Variants in CEP89 observed in about 807,000 individuals in gnomAD.
CEP89 encodes centrosomal protein 89.
CEP89 carries 95 observed loss-of-function variants against 97.6 expected under a neutral mutation model. The observed-to-expected ratio is 0.97, with a 90% CI of 0.82 to 1.15. The LOEUF (loss-of-function observed/expected upper bound fraction) is 1.15, where lower values mean the gene tolerates loss of function less well. Among genes scored for constraint, CEP89 ranks in the 50% most tolerant of loss-of-function variants. The probability of loss-of-function intolerance (pLI) is 0.00; values close to 1 mark genes in which losing one functional copy is unlikely to be tolerated. For missense variants in CEP89, 869 were observed against 947.7 expected, an observed-to-expected ratio of 0.92 and a Z score of 1.09; for synonymous variants, 354 against 349.1, an observed-to-expected ratio of 1.01 and a Z score of -0.16.
intron 14 of CEP89, among the ~76,000 whole-genome samples, chr19:32,907,631 T>C (rs559132046): frequency 6.6e-6 from 1 of 152,322 alleles, no homozygotes; most frequent in South Asian, 2.1e-4. Context: ...TTTGTATTTT[T>C]AGTAGAGATG....
intron 16 of CEP89, among the ~76,000 whole-genome samples, chr19:32,888,469 G>C (rs2145873135): frequency 6.6e-6 from 1 of 152,238 alleles, no homozygotes; most frequent in Middle Eastern, 3.4e-3. Flanking sequence ...GGAAAGCTAA[G>C]TCACAGAGAA....
At chr19:32,900,405 G>A (rs1036304115) in intron 15 of CEP89, among the ~76,000 whole-genome samples, 4 of 151,642 alleles carry the variant, frequency 2.6e-5, no homozygotes, top group East Asian at 1.9e-4. Context: ...GCCACCACAC[G>A]CAGCTAATTT....
In CEP89 at chr19:32,915,476, T is replaced by C. The variant is rs761104543; in HGVS notation, c.1426A>G (p.Thr476Ala). ...TKQLMLLEAK[T>A]HGQEKELAEN... ...GCCAGCTCCTTTTCCTGGCCGTGGGTTTTTGCCTCCAGGAGCATTAGTTGT... is the reference window on the plus strand; with the variant it reads ...GCCAGCTCCTTTTCCTGGCCGTGGGCTTTTGCCTCCAGGAGCATTAGTTGT... Residue 476 changes from threonine (T) to alanine (A), a missense_variant, in exon 14 of 19, where the codon ACC becomes GCC. Coordinates refer to ENST00000305768, the MANE Select transcript of CEP89 (RefSeq NM_032816.5). 6 of 1,611,766 alleles carry C rather than the reference T, an allele frequency of 3.7e-6. No individual in the cohort carries two copies. The highest frequency in any genetic ancestry group is 5.1e-6 in the Non-Finnish European group (6 of 1,179,492).
At chr19:32,937,240 G>A in intron 7 of CEP89, 2 of 272,192 alleles carry the variant, frequency 7.3e-6, no homozygotes, top group East Asian at 1.2e-4. Flanking sequence ...TCAGAGCAGA[G>A]CCCATAACTG....
chr19:32,907,994 A>G (rs951553234), intron 14 of CEP89, among the ~76,000 whole-genome samples: 2 of 152,392 alleles, frequency 1.3e-5, no homozygotes, highest in Middle Eastern at 3.4e-3. Context: ...TGTTCAGTAC[A>G]GTAACATGCT....
At chr19:32,952,579 C>G (rs1377193479) in intron 4 of CEP89, among the ~76,000 whole-genome samples, 1 of 151,732 alleles carries the variant, frequency 6.6e-6, no homozygotes, top group Non-Finnish European at 1.5e-5. Flanking sequence ...TGTACAGACA[C>G]TATGAATAAC....
chr19:32,911,689 G>A (rs1022041171), intron 14 of CEP89, among the ~76,000 whole-genome samples: 1 of 152,042 alleles, frequency 6.6e-6, no homozygotes, highest in African/African-American at 2.4e-5. Context: ...GGCTTAGTCA[G>A]CATGTAATAG....
At chr19:32,915,226 G>T in intron 14 of CEP89, 111 bp downstream of exon 14, 3 of 957,518 alleles carry the variant, frequency 3.1e-6, no homozygotes, top group Non-Finnish European at 4.5e-6. Flanking sequence ...TGAGAGGCTG[G>T]GATGGGCAGA....
chr19:32,913,311 TTGTTGTTGTTGTTGTTG>T (rs1406601429), intron 14 of CEP89, among the ~76,000 whole-genome samples: 1 of 26,660 alleles, frequency 3.8e-5, no homozygotes, highest in Non-Finnish European at 6.8e-5. Context: ...ATATATTTTT[TTGTTGTTGTTGTTGTTG>T]TTGTTGTTGT....
At chr19:32,894,203 A>C (rs1344756169) in intron 16 of CEP89, among the ~76,000 whole-genome samples, 1 of 152,160 alleles carries the variant, frequency 6.6e-6, no homozygotes, top group Non-Finnish European at 1.5e-5. Context: ...ATTTCTGGAC[A>C]ACATACAACC....
intron 4 of CEP89, among the ~76,000 whole-genome samples, chr19:32,948,704 C>T (rs1970849293): frequency 6.6e-6 from 1 of 152,084 alleles, no homozygotes; most frequent in African/African-American, 2.4e-5. Context: ...CACCCTGGTA[C>T]TGACACCATG....
At chr19:32,892,117 CATATATTTAGACAT>C (rs948237400) in intron 16 of CEP89, among the ~76,000 whole-genome samples, 35 of 141,638 alleles carry the variant, frequency 2.5e-4, no homozygotes, top group South Asian at 4.4e-4. Flanking sequence ...TTTAGACATA[CATATATTTAGACAT>C]ATATATTTAG....
chr19:32,941,124 T>C (rs1043864863), intron 5 of CEP89, among the ~76,000 whole-genome samples: 1 of 152,012 alleles, frequency 6.6e-6, no homozygotes, highest in African/African-American at 2.4e-5. Flanking sequence ...GAAAATAAAC[T>C]GGAAACACAT....
intron 1 of CEP89, among the ~76,000 whole-genome samples, chr19:32,966,913 T>C (rs1241182310): frequency 6.6e-6 from 1 of 152,162 alleles, no homozygotes; most frequent in African/African-American, 2.4e-5. Flanking sequence ...GGTACGATCA[T>C]AGCTCACCGC....
At chr19:32,887,968 C>G in intron 16 of CEP89, 127 bp from the exon 17 acceptor site, 1 of 641,720 alleles carries the variant, frequency 1.6e-6, no homozygotes, top group East Asian at 2.7e-5. Flanking sequence ...CTGCCTCAAC[C>G]CCTTCCCCAC....
At chr19:32,886,207 T>C (rs1969391588) in intron 17 of CEP89, among the ~76,000 whole-genome samples, 1 of 152,262 alleles carries the variant, frequency 6.6e-6, no homozygotes, top group South Asian at 2.1e-4. Context: ...TGGTAAGTTT[T>C]CAGCAGTTTC....
chr19:32,930,021 CTTTTTTT>C (rs777333613), intron 9 of CEP89, among the ~76,000 whole-genome samples: 2 of 133,412 alleles, frequency 1.5e-5, no homozygotes, highest in Non-Finnish European at 3.2e-5. Context: ...CTTTTTTTTC[CTTTTTTT>C]TTTTTTTTTT....
Position 32,959,966 on chromosome 19 carries a change from T to A in CEP89, c.239A>T (p.Asp80Val). ...GCTGTCCTGTTCAACACTGCTCACA[T>A]CACTCTCAGACCGGGACCTCTGGCG... ...QPRQRSRSESDVSSVEQDSFI... is the reference protein window; with the variant it reads ...QPRQRSRSESVVSSVEQDSFI... The change falls in exon 3 of 19, where the codon GAT becomes GTT. Residue 80 changes from aspartate to valine, a missense_variant. Asp to Val is a radical substitution (Grantham distance 152). Coordinates refer to ENST00000305768, the MANE Select transcript of CEP89 (RefSeq NM_032816.5). The A allele has an allele frequency of 6.2e-7, 1 of 1,614,196 alleles. No homozygotes were observed. Among genetic ancestry groups the A allele is most frequent in the South Asian group, 1.1e-5 (1 of 91,076 alleles).
chr19:32,879,197 A>T lies in CEP89; in HGVS notation c.2317T>A (p.Ser773Thr). The change falls in exon 19 of 19, where the codon TCC (serine) becomes ACC (threonine). Residue 773 changes from serine (S) to threonine (T), a missense_variant. Coordinates refer to ENST00000305768, the MANE Select transcript of CEP89 (RefSeq NM_032816.5). ...GGGGCATGAGACTTCAGGTCATAGGAGCAGACATCGCAGCCGTCCAGCAGG... is the reference window on the plus strand; with the variant it reads ...GGGGCATGAGACTTCAGGTCATAGGTGCAGACATCGCAGCCGTCCAGCAGG... ...ADLLDGCDVCSYDLKSHAPTC is the reference protein window; with the variant it reads ...ADLLDGCDVCTYDLKSHAPTC 1 of 1,613,896 alleles carries T rather than the reference A, an allele frequency of 6.2e-7. No individual in the cohort carries two copies. The highest frequency in any genetic ancestry group is 1.1e-5 in the South Asian group (1 of 91,052).
Sources: allele counts gnomAD v4.1 joint callset (sites outside exome capture counted in the v4.1 genomes callset), GRCh38; gene constraint gnomAD v4.1.1; transcripts MANE v1.5; gene names NCBI Gene and HGNC (gene_info 2026-07-23, HGNC 2026-07-21).